PPFIBP1: variants seen among roughly 807,000 people sequenced by gnomAD.
The protein encoded by PPFIBP1 is liprin-beta-1.
In PPFIBP1, 112 loss-of-function variants were observed where a neutral mutation model predicts 137.8. The observed-to-expected ratio is 0.81, with a 90% CI of 0.70 to 0.95. PPFIBP1 has a LOEUF of 0.95. Ranked by LOEUF, PPFIBP1 falls within the 40% of genes least tolerant of loss-of-function variation. PPFIBP1 has a pLI of 0.00. For synonymous variants in PPFIBP1, 378 were observed against 417.3 expected (o/e 0.91, Z 1.15); for missense variants, 1,083 against 1,196.6 (o/e 0.91, Z 1.40).
intron 3 of PPFIBP1, 73 bp from the exon 4 acceptor site, chr12:27,634,837 T>C (rs2057538732): frequency 1.5e-6 from 2 of 1,296,096 alleles, no homozygotes; most frequent in Non-Finnish European, 2.2e-6. Context: ...CTAGACTGGT[T>C]TACCGCCTTC....
At chr12:27,664,726 G>A (rs1249844871) in intron 12 of PPFIBP1, among the ~76,000 whole-genome samples, 1 of 152,108 alleles carries the variant, frequency 6.6e-6, no homozygotes, top group Non-Finnish European at 1.5e-5. Context: ...GAGCCTAGGG[G>A]GAAAAGAATA....
intron 2 of PPFIBP1, among the ~76,000 whole-genome samples, chr12:27,624,935 G>A (rs1163903970): frequency 6.6e-6 from 1 of 152,150 alleles, no homozygotes; most frequent in Non-Finnish European, 1.5e-5. Context: ...TGAAAAAACT[G>A]AAACGTTTTA....
At chr12:27,565,835 G>A (rs2346749) in intron 1 of PPFIBP1, among the ~76,000 whole-genome samples, 149,201 of 152,254 alleles carry the variant, frequency 0.98, 73,175 homozygotes, top group East Asian at 1. Flanking sequence ...TCCTCTCTGA[G>A]CACTACTTTG....
intron 17 of PPFIBP1, among the ~76,000 whole-genome samples, chr12:27,674,754 A>G (rs910717468): frequency 3.3e-5 from 5 of 151,916 alleles, no homozygotes; most frequent in Non-Finnish European, 5.9e-5. Flanking sequence ...ATCTAAAGCA[A>G]ACATTTTGGT....
At chr12:27,642,738 G>A (rs2058202274) in intron 4 of PPFIBP1, among the ~76,000 whole-genome samples, 1 of 151,980 alleles carries the variant, frequency 6.6e-6, no homozygotes, top group Non-Finnish European at 1.5e-5. Context: ...ACAAAACCTT[G>A]GGATAGTTGT....
In PPFIBP1 at chr12:27,600,708, A is replaced by G. The variant is rs529718823; in HGVS notation, c.-36+22469A>G. On this transcript the variant is annotated intron_variant, in intron 2 of 29. Coordinates refer to ENST00000228425, the MANE Select transcript of PPFIBP1 (RefSeq NM_003622.4). ...CTTTTACATATTAGTATATCATTTT[A>G]CCTTTGAGGACAAAAACTTATGGAA... Among the ~76,000 whole-genome samples the G allele has an allele frequency of 2.0e-5, 3 of 152,282 alleles. 1 individual carries two copies. Among genetic ancestry groups the G allele is most frequent in the African/African-American group, 7.2e-5 (3 of 41,568 alleles).
chr12:27,676,729 G>C, intron 18 of PPFIBP1, 130 bp downstream of exon 18: 1 of 994,650 alleles, frequency 1.0e-6, no homozygotes, highest in Non-Finnish European at 1.5e-6. Context: ...ATGACTTAGG[G>C]GAATTTAGCA....
intron 2 of PPFIBP1, among the ~76,000 whole-genome samples, chr12:27,589,764 T>G (rs1264793175): frequency 6.6e-6 from 1 of 152,254 alleles, no homozygotes; most frequent in Non-Finnish European, 1.5e-5. Context: ...AGAGTAAGAA[T>G]TAAAATAATA....
At chr12:27,595,270 A>G (rs1372312762) in intron 2 of PPFIBP1, among the ~76,000 whole-genome samples, 1 of 152,234 alleles carries the variant, frequency 6.6e-6, no homozygotes, top group Non-Finnish European at 1.5e-5. Context: ...ACGCGCATAC[A>G]CACATGCGTG....
At chr12:27,681,731 A>G (rs755775738) in intron 22 of PPFIBP1, 35 bp downstream of exon 22, 13 of 1,608,516 alleles carry the variant, frequency 8.1e-6, no homozygotes, top group Non-Finnish European at 1.1e-5. Flanking sequence ...CACAATGGAT[A>G]CTGAGAAGAA....
chr12:27,687,763 C>T (rs1276148319), intron 25 of PPFIBP1, among the ~76,000 whole-genome samples: 1 of 151,938 alleles, frequency 6.6e-6, no homozygotes, highest in Non-Finnish European at 1.5e-5. Context: ...TGACTCTAAT[C>T]AACAGAGATA....
chr12:27,682,465 AAT>A lies in PPFIBP1; in HGVS notation c.2126_2127del (p.Asn709ThrfsTer11). ...LQALGSEEET[N>X]HGKLDFNWVT... is the part of the protein sequence containing the mutation. ...AGCCCTGGGATCTGAAGAAGAAACC[AAT>A]CATGGGAAGCTGGATTTCAACTGGG... On this transcript the variant is annotated frameshift_variant, in exon 23 of 30. Transcript: ENST00000228425. LOFTEE classifies it high-confidence loss of function. 1.2e-6 allele frequency: 2 copies of A among 1,614,076 alleles called. No homozygotes were observed. The highest frequency in any genetic ancestry group is 1.7e-6 in the Non-Finnish European group (2 of 1,179,908).
At chr12:27,528,699 A>C (rs554087228) in intron 1 of PPFIBP1, among the ~76,000 whole-genome samples, 38 of 152,308 alleles carry the variant, frequency 2.5e-4, no homozygotes, top group African/African-American at 9.1e-4. Context: ...TCAAAAAAAA[A>C]CCTAACATAC....
intron 1 of PPFIBP1, among the ~76,000 whole-genome samples, chr12:27,544,570 A>C (rs1169150830): frequency 1.3e-5 from 2 of 152,226 alleles, no homozygotes; most frequent in African/African-American, 2.4e-5. Flanking sequence ...CCCCATCAAA[A>C]AGTGCGCAAA....
At chr12:27,612,339 T>TTTG (rs984965068) in intron 2 of PPFIBP1, among the ~76,000 whole-genome samples, 2 of 143,230 alleles carry the variant, frequency 1.4e-5, no homozygotes, top group Non-Finnish European at 3.1e-5. Flanking sequence ...TTTTTTTTTT[T>TTTG]TTTTTTTTTT....
chr12:27,602,575 G>A (rs376113272), intron 2 of PPFIBP1, among the ~76,000 whole-genome samples: 9 of 152,264 alleles, frequency 5.9e-5, no homozygotes, highest in African/African-American at 1.7e-4. Flanking sequence ...TTATTTTCAG[G>A]TTATGCAAGA....
intron 13 of PPFIBP1, among the ~76,000 whole-genome samples, chr12:27,671,145 G>GA (rs914635764): frequency 1.9e-4 from 29 of 150,678 alleles, no homozygotes; most frequent in Middle Eastern, 3.4e-3. Context: ...TCAAAAAAAA[G>GA]AAAAAAAAAT....
chr12:27,666,836 C>T (rs1009529620), intron 12 of PPFIBP1, among the ~76,000 whole-genome samples: 1 of 152,256 alleles, frequency 6.6e-6, no homozygotes, highest in African/African-American at 2.4e-5. Flanking sequence ...AATTTGTAAG[C>T]CCCTGATTTT....
At chr12:27,595,236 ACG>A (rs769404556) in intron 2 of PPFIBP1, among the ~76,000 whole-genome samples, 1 of 152,368 alleles carries the variant, frequency 6.6e-6, no homozygotes, top group Admixed American at 6.5e-5. Flanking sequence ...ATGCGTGCAC[ACG>A]CGCGCGCGCA....
Sources: gnomAD v4.1 joint callset for allele counts (sites outside exome capture counted in the v4.1 genomes callset) on GRCh38, gnomAD v4.1.1 for gene constraint, MANE v1.5 for transcripts, NCBI Gene and HGNC (gene_info 2026-07-23, HGNC 2026-07-21) for gene names.